SPPL3: variants seen among roughly 807,000 people sequenced by gnomAD.
SPPL3 encodes signal peptide peptidase like 3, also known as signal peptide peptidase-like 3.
A neutral mutation model predicts 42.4 loss-of-function variants in SPPL3; 5 were observed. That is an observed-to-expected ratio of 0.12 (90% CI 0.06 to 0.25). The LOEUF is 0.25. Ranked by LOEUF, SPPL3 falls within the 10% of genes least tolerant of loss-of-function variation. SPPL3 has a pLI of 1.00. For missense variants in SPPL3, 235 were observed against 489.0 expected, an observed-to-expected ratio of 0.48 and a Z score of 4.90; for synonymous variants, 195 against 181.8, an observed-to-expected ratio of 1.07 and a Z score of -0.58.
At chr12:120,829,586 ACT>A (rs2063152471) in intron 1 of SPPL3, among the ~76,000 whole-genome samples, 1 of 151,870 alleles carries the variant, frequency 6.6e-6, no homozygotes, top group Admixed American at 6.6e-5. Flanking sequence ...ACAGAGGGAG[ACT>A]CTGCCTCAAA....
Position 120,782,637 on chromosome 12 carries a change from C to T in SPPL3, c.502+18G>A, listed in dbSNP as rs1355147397. Reference sequence around the variant, plus strand: ...TCTATAAAGTAAAATTACAATTTGTCACAAATTAGTCACTCACCATCCATG... The same window carrying T: ...TCTATAAAGTAAAATTACAATTTGTTACAAATTAGTCACTCACCATCCATG... On this transcript the variant is annotated intron_variant, in intron 6 of 10. Transcript: ENST00000353487. 3 of 1,552,294 alleles carry T rather than the reference C, an allele frequency of 1.9e-6. No homozygotes were observed. Among genetic ancestry groups the T allele is most frequent in the Admixed American group, 1.7e-5 (1 of 57,360 alleles).
At chr12:120,792,914 G>A (rs1869969845) in intron 2 of SPPL3, among the ~76,000 whole-genome samples, 1 of 152,034 alleles carries the variant, frequency 6.6e-6, no homozygotes, top group Non-Finnish European at 1.5e-5. Context: ...TAGATTCTTA[G>A]ATATGATGCT....
At chr12:120,831,156 C>T (rs1227579276) in intron 1 of SPPL3, among the ~76,000 whole-genome samples, 3 of 152,146 alleles carry the variant, frequency 2.0e-5, no homozygotes, top group Non-Finnish European at 4.4e-5. Flanking sequence ...CCTTCAGACT[C>T]AGATCAGGAG....
Position 120,854,144 on chromosome 12 carries a change from C to T in SPPL3, c.24-43258G>A, listed in dbSNP as rs560390911. Among the ~76,000 whole-genome samples the T allele has an allele frequency of 9.9e-5, 15 of 152,234 alleles. No individual in the cohort carries two copies. In the East Asian group the frequency reaches 2.9e-3, roughly 29 times the overall value. ...TGACTGTGCAAGTTATCAATGTACC[C>T]TTTACTGACGGCTCTTCAAGGAGTA... On this transcript the variant is annotated intron_variant, in intron 1 of 10. Coordinates refer to ENST00000353487, the MANE Select transcript of SPPL3 (RefSeq NM_139015.5).
intron 1 of SPPL3, among the ~76,000 whole-genome samples, chr12:120,854,022 A>G (rs903701731): frequency 1.4e-5 from 2 of 142,910 alleles, no homozygotes; most frequent in African/African-American, 5.1e-5. Context: ...ACACACACAC[A>G]CACGGGGAAA....
chr12:120,845,087 G>A (rs969555049), intron 1 of SPPL3: 10 of 364,262 alleles, frequency 2.7e-5, no homozygotes, highest in African/African-American at 2.2e-4. Context: ...GGCAAGAGGA[G>A]TGAGAGGGAG....
At chr12:120,854,569 T>C (rs1475426472) in intron 1 of SPPL3, among the ~76,000 whole-genome samples, 1 of 152,214 alleles carries the variant, frequency 6.6e-6, no homozygotes, top group Non-Finnish European at 1.5e-5. Context: ...TGAGGTGCTA[T>C]CAAAGCCAAA....
At chr12:120,848,627 T>C (rs1329637113) in intron 1 of SPPL3, among the ~76,000 whole-genome samples, 1 of 152,270 alleles carries the variant, frequency 6.6e-6, no homozygotes, top group African/African-American at 2.4e-5. Flanking sequence ...GATGGACTTA[T>C]AAATTAATCT....
chr12:120,802,431 A>ATTTTTTT (rs1166451844), intron 2 of SPPL3, among the ~76,000 whole-genome samples: 5 of 105,120 alleles, frequency 4.8e-5, no homozygotes, highest in African/African-American at 1.8e-4. Context: ...ATATATATAT[A>ATTTTTTT]TTTTTTTTTT....
chr12:120,901,300 T>C (rs1873974884), intron 1 of SPPL3, among the ~76,000 whole-genome samples: 1 of 151,950 alleles, frequency 6.6e-6, no homozygotes, highest in South Asian at 2.1e-4. Flanking sequence ...AACTATTAAA[T>C]AGGAAGCTGT....
chr12:120,857,615 A>T (rs1056531320), intron 1 of SPPL3, among the ~76,000 whole-genome samples: 6 of 152,260 alleles, frequency 3.9e-5, no homozygotes, highest in Non-Finnish European at 7.3e-5. Flanking sequence ...AAAATGTGGT[A>T]CATATACACT....
chr12:120,769,300 G>A (rs1013452389), intron 6 of SPPL3: 1 of 384,594 alleles, frequency 2.6e-6, no homozygotes, highest in South Asian at 3.0e-5. Context: ...GGCTGTTGGA[G>A]ACCCAGGAAA....
chr12:120,790,666 C>T (rs1207757341), intron 3 of SPPL3, among the ~76,000 whole-genome samples: 1 of 152,138 alleles, frequency 6.6e-6, no homozygotes, highest in Non-Finnish European at 1.5e-5. Context: ...TCTCTTTATG[C>T]TCTTTCTACA....
intron 1 of SPPL3, among the ~76,000 whole-genome samples, chr12:120,824,736 C>T (rs1871186121): frequency 6.6e-6 from 1 of 152,024 alleles, no homozygotes. Flanking sequence ...TGGGGTTTTG[C>T]CATATTACCC....
chr12:120,874,314 G>A (rs1309060265), intron 1 of SPPL3, among the ~76,000 whole-genome samples: 4 of 151,812 alleles, frequency 2.6e-5, no homozygotes, highest in East Asian at 1.9e-4. Flanking sequence ...TTAGCTGGGC[G>A]TGGAGATGGG....
chr12:120,868,284 A>C (rs1333566236), intron 1 of SPPL3, among the ~76,000 whole-genome samples: 1 of 151,972 alleles, frequency 6.6e-6, no homozygotes, highest in East Asian at 1.9e-4. Context: ...AATGTTAGGG[A>C]AAAAATGGTA....
At chr12:120,848,163 T>G (rs73214885) in intron 1 of SPPL3, among the ~76,000 whole-genome samples, 6,352 of 152,124 alleles carry the variant, frequency 0.042, 185 homozygotes, top group South Asian at 0.12. Flanking sequence ...GGAGAGGAAA[T>G]TCACTAGCAC....
intron 8 of SPPL3, 85 bp downstream of exon 8, chr12:120,768,240 T>G: frequency 6.8e-7 from 1 of 1,471,952 alleles, no homozygotes; most frequent in Non-Finnish European, 9.1e-7. Flanking sequence ...GGGATCAGAA[T>G]GCTGATGACA....
intron 3 of SPPL3, 129 bp from the exon 4 acceptor site, chr12:120,784,722 G>T: frequency 1.7e-6 from 1 of 593,278 alleles, no homozygotes. Flanking sequence ...GGATTATCCA[G>T]GCCCTATGAG....
Sources: gnomAD v4.1 joint callset for allele counts (sites outside exome capture counted in the v4.1 genomes callset) on GRCh38, gnomAD v4.1.1 for gene constraint, MANE v1.5 for transcripts, NCBI Gene and HGNC (gene_info 2026-07-23, HGNC 2026-07-21) for gene names.